The following PTGR2 variants were observed in gnomAD, a reference collection of about 807,000 sequenced individuals.
The protein encoded by PTGR2 is prostaglandin reductase 2, also known as 15-oxoprostaglandin 13-reductase.
In PTGR2, 32 loss-of-function variants were observed where a neutral mutation model predicts 43.4. The ratio of observed to expected loss-of-function variants is 0.74; its 90% confidence interval spans 0.56 to 0.99. The LOEUF (loss-of-function observed/expected upper bound fraction) is 0.99. PTGR2 is among the 50% of genes least tolerant of loss of function. PTGR2 has a pLI of 0.00. For missense variants in PTGR2, 373 were observed against 420.0 expected, an observed-to-expected ratio of 0.89 and a Z score of 0.98; for synonymous variants, 106 against 139.2, an observed-to-expected ratio of 0.76 and a Z score of 1.68.
intron 3 of PTGR2, among the ~76,000 whole-genome samples, chr14:73,867,514 A>G (rs1017759932): frequency 1.3e-5 from 2 of 151,878 alleles, no homozygotes; most frequent in African/African-American, 4.8e-5. Flanking sequence ...AAAAAAAAAG[A>G]TTTTAGGGGA....
intron 4 of PTGR2, chr14:73,874,434 T>TA: frequency 3.6e-6 from 2 of 554,798 alleles, no homozygotes; most frequent in Non-Finnish European, 6.5e-6. Flanking sequence ...CCTGCTAAAA[T>TA]AAACTGACAA....
chr14:73,876,875 G>A, intron 4 of PTGR2, 123 bp from the exon 5 acceptor site: 1 of 646,016 alleles, frequency 1.5e-6, no homozygotes. Context: ...GTCACACTGG[G>A]GCTTAGGGCT....
At chr14:73,868,004 G>A (rs1459212910) in intron 3 of PTGR2, among the ~76,000 whole-genome samples, 1 of 152,094 alleles carries the variant, frequency 6.6e-6, no homozygotes, top group Non-Finnish European at 1.5e-5. Context: ...TACATAACCT[G>A]GGCTAGGCAC....
chr14:73,880,258 A>G (rs2054951894), intron 7 of PTGR2, 82 bp downstream of exon 7: 2 of 1,522,514 alleles, frequency 1.3e-6, no homozygotes, highest in Non-Finnish European at 9.1e-7. Context: ...ATTGTTCTTC[A>G]TAGACACTTT....
chr14:73,880,212 A>G (rs760226463), intron 7 of PTGR2, 36 bp downstream of exon 7: 2 of 1,609,216 alleles, frequency 1.2e-6, no homozygotes, highest in Admixed American at 3.3e-5. Context: ...TACCAGGTTC[A>G]TGGGGTTTTA....
Position 73,860,589 on chromosome 14 carries a change from T to C in PTGR2, c.88T>C (p.Leu30=). 1 of 1,584,468 alleles carries C rather than the reference T, an allele frequency of 6.3e-7. No individual in the cohort carries two copies. Among genetic ancestry groups the C allele is most frequent in the Non-Finnish European group, 8.6e-7 (1 of 1,158,814 alleles). Residue 30 remains leucine (L), a synonymous_variant, in exon 3 of 10, where the codon TTA becomes CTA. Coordinates refer to ENST00000555661, the MANE Select transcript of PTGR2 (RefSeq NM_001146154.2). ...GAATTTCCGAATGGAAGAAGTCTAT[T>C]TACCAGATAATATTAATGAAGGACA... ...AENFRMEEVY[L]PDNINEGQVQ...
intron 2 of PTGR2, 28 bp downstream of exon 2, chr14:73,858,927 CTGATCTT>C (rs777146985): frequency 1.3e-6 from 2 of 1,578,632 alleles, no homozygotes; most frequent in African/African-American, 1.4e-5. Flanking sequence ...ATGAACAACT[CTGATCTT>C]TGATAAGTAT....
chr14:73,853,828 C>G (rs987565743), intron 1 of PTGR2, among the ~76,000 whole-genome samples: 1 of 152,160 alleles, frequency 6.6e-6, no homozygotes, highest in South Asian at 2.1e-4. Flanking sequence ...CTCTGTTCTT[C>G]CTACTTAAAT....
In PTGR2 at chr14:73,858,851, C is replaced by G; in HGVS notation, c.-12C>G. ...TACAGAAATCTTGTGAAACCACTGC[C>G]CAACCAGAGCAATGATTGTTCAAAG... On this transcript the variant is annotated 5_prime_UTR_variant, in exon 2 of 10. Transcript: ENST00000555661. The G allele has an allele frequency of 1.9e-6, 3 of 1,608,166 alleles. No individual in the cohort carries two copies. Among genetic ancestry groups the G allele is most frequent in the Non-Finnish European group, 2.6e-6 (3 of 1,176,330 alleles).
At chr14:73,858,778 C>T in intron 1 of PTGR2, 38 bp from the exon 2 acceptor site, 1 of 1,017,312 alleles carries the variant, frequency 9.8e-7, no homozygotes, top group Non-Finnish European at 1.4e-6. Flanking sequence ...TTGTTGAATA[C>T]TTCAAATCTT....
At chr14:73,870,239 C>T (rs995079726) in intron 3 of PTGR2, among the ~76,000 whole-genome samples, 17 of 143,698 alleles carry the variant, frequency 1.2e-4, no homozygotes, top group African/African-American at 4.1e-4. Flanking sequence ...TGTGCAGTGG[C>T]ACAATCTTGG....
chr14:73,858,741 CA>C (rs1595347233), intron 1 of PTGR2, 74 bp from the exon 2 acceptor site: 11 of 656,154 alleles, frequency 1.7e-5, no homozygotes, highest in Non-Finnish European at 2.2e-5. Flanking sequence ...TTGGGAAACA[CA>C]AATGGACTTC....
chr14:73,883,945 T>C (rs1400772700), intron 9 of PTGR2, among the ~76,000 whole-genome samples, 156 bp from the exon 10 acceptor site: 1 of 152,262 alleles, frequency 6.6e-6, no homozygotes, highest in Admixed American at 6.5e-5. Flanking sequence ...GTGTAACTTT[T>C]TACTTGAGAT....
chr14:73,882,527 G>A, intron 9 of PTGR2, 89 bp downstream of exon 9: 3 of 900,674 alleles, frequency 3.3e-6, no homozygotes, highest in Non-Finnish European at 5.2e-6. Context: ...TTGAGACGGA[G>A]TCTTGCTCTG....
chr14:73,869,011 T>C (rs957373870), intron 3 of PTGR2, among the ~76,000 whole-genome samples: 3 of 152,208 alleles, frequency 2.0e-5, no homozygotes, highest in Non-Finnish European at 4.4e-5. Context: ...TTCATACATG[T>C]TGGCCCTCTA....
chr14:73,860,394 G>A (rs1413319428), intron 2 of PTGR2, 145 bp from the exon 3 acceptor site: 6 of 465,308 alleles, frequency 1.3e-5, no homozygotes, highest in Non-Finnish European at 2.3e-5. Context: ...TTGAACCCAG[G>A]AGGCAGAGGT....
intron 3 of PTGR2, among the ~76,000 whole-genome samples, chr14:73,869,941 G>C (rs973845184): frequency 3.3e-5 from 5 of 152,062 alleles, no homozygotes; most frequent in African/African-American, 1.2e-4. Context: ...CAGGAGAATC[G>C]CTTGAGCCGG....
chr14:73,856,841 C>G (rs2054359508), intron 1 of PTGR2, among the ~76,000 whole-genome samples: 1 of 152,210 alleles, frequency 6.6e-6, no homozygotes. Context: ...CACAAGAGTG[C>G]TTGGCACATA....
At chr14:73,872,132 GA>G (rs2054749680) in intron 3 of PTGR2, among the ~76,000 whole-genome samples, 1 of 152,184 alleles carries the variant, frequency 6.6e-6, no homozygotes. Context: ...CACAGAGGAA[GA>G]GAGCCTTGAC....
Sources: gnomAD v4.1 joint callset for allele counts (sites outside exome capture counted in the v4.1 genomes callset) on GRCh38, gnomAD v4.1.1 for gene constraint, MANE v1.5 for transcripts, NCBI Gene and HGNC (gene_info 2026-07-23, HGNC 2026-07-21) for gene names.